RYR2: variants seen among roughly 807,000 people sequenced by gnomAD.
RYR2 encodes cardiac muscle ryanodine receptor-calcium release channel.
RYR2 carries 227 observed loss-of-function variants against 601.1 expected under a neutral mutation model. The ratio of observed to expected loss-of-function variants is 0.38; its 90% CI spans 0.34 to 0.42. The LOEUF is 0.42. Ranked by LOEUF, RYR2 falls within the 10% of genes least tolerant of loss-of-function variation. RYR2 has a pLI of 1.00. For missense variants in RYR2, 4,646 were observed against 6,156.5 expected (o/e 0.75, Z 8.21); for synonymous variants, 2,223 against 2,175.1 (o/e 1.02, Z -0.61).
intron 2 of RYR2, among the ~76,000 whole-genome samples, chr1:237,285,289 G>A (rs1342324140): frequency 6.6e-6 from 1 of 152,178 alleles, no homozygotes; most frequent in Non-Finnish European, 1.5e-5. Context: ...AGATGATCAT[G>A]TGATTTTTGT....
chr1:237,122,681 A>AAAAC (rs147076319), intron 1 of RYR2, among the ~76,000 whole-genome samples: 4,532 of 150,682 alleles, frequency 0.03, 102 homozygotes, highest in East Asian at 0.064. Flanking sequence ...GACCGTCTCA[A>AAAAC]AAACAAACAA....
intron 35 of RYR2, among the ~76,000 whole-genome samples, chr1:237,609,127 C>G (rs1677506857): frequency 7.4e-6 from 1 of 134,656 alleles, no homozygotes; most frequent in African/African-American, 2.6e-5. Flanking sequence ...GATCTCAGCT[C>G]ACTACAACCT....
chr1:237,741,112 C>T (rs1691567962), intron 79 of RYR2, among the ~76,000 whole-genome samples: 1 of 152,264 alleles, frequency 6.6e-6, no homozygotes, highest in East Asian at 1.9e-4. Context: ...TGTCCTAGGC[C>T]TGCGTCCCCA....
intron 1 of RYR2, among the ~76,000 whole-genome samples, chr1:237,229,007 A>G (rs1306263089): frequency 1.3e-5 from 2 of 152,174 alleles, no homozygotes; most frequent in Non-Finnish European, 2.9e-5. Context: ...ATTTCACTCC[A>G]GGAGGTAGGG....
intron 47 of RYR2, among the ~76,000 whole-genome samples, chr1:237,641,671 A>T (rs367680585): frequency 1.3e-3 from 200 of 151,866 alleles, no homozygotes; most frequent in African/African-American, 4.6e-3. Flanking sequence ...CCTCCTGAGT[A>T]GCTGGGACTA....
intron 24 of RYR2, among the ~76,000 whole-genome samples, chr1:237,529,760 T>C (rs78372262): frequency 7.1e-4 from 95 of 134,584 alleles, no homozygotes; most frequent in Middle Eastern, 3.9e-3. Flanking sequence ...AATAATATCA[T>C]ACACACACAC....
intron 1 of RYR2, among the ~76,000 whole-genome samples, chr1:237,214,603 G>A (rs1016165176): frequency 6.6e-6 from 1 of 152,144 alleles, no homozygotes; most frequent in Admixed American, 6.5e-5. Flanking sequence ...TTCCTACCGG[G>A]TTCCACCTCT....
rs1357455228 is a variant in RYR2 at position 237,791,877 on chromosome 1, G to GGAATCCTCAGAATTTTTGGTTGAATA, written c.13564-227_13564-202dup. 1.2e-5 allele frequency: 7 copies of GGAATCCTCAGAATTTTTGGTTGAATA among 584,540 alleles called. No individual in the cohort carries two copies. In the East Asian group the frequency reaches 2.0e-4, roughly 16 times the overall value. 36.2% of individuals were successfully genotyped at this position (584,540 alleles called of 1,614,324 possible). A position where few individuals can be genotyped will look rare whatever the true frequency, so the allele number is the denominator to read the frequency against. ...GCCATCTAATTTTTTAGCATGCATT[G>GGAATCCTCAGAATTTTTGGTTGAATA]GAATCCTCAGAATTTTTGGTTGAAT... On this transcript the variant is annotated intron_variant, in intron 93 of 104. Coordinates refer to ENST00000366574, the MANE Select transcript of RYR2 (RefSeq NM_001035.3).
At chr1:237,546,369 C>T (rs978189328) in intron 25 of RYR2, among the ~76,000 whole-genome samples, 1 of 152,038 alleles carries the variant, frequency 6.6e-6, no homozygotes, top group Non-Finnish European at 1.5e-5. Context: ...AGATAAATTA[C>T]TTTTTTGTTG....
At chr1:237,266,842 C>T (rs1323092613) in intron 1 of RYR2, among the ~76,000 whole-genome samples, 1 of 152,026 alleles carries the variant, frequency 6.6e-6, no homozygotes, top group Non-Finnish European at 1.5e-5. Flanking sequence ...TAGCCTCTCT[C>T]CTTGGTAGTA....
intron 68 of RYR2, among the ~76,000 whole-genome samples, 191 bp downstream of exon 68, chr1:237,707,460 C>T (rs1344370763): frequency 6.6e-6 from 1 of 152,052 alleles, no homozygotes; most frequent in Non-Finnish European, 1.5e-5. Flanking sequence ...ATAGTTACTA[C>T]TTTTAAGTAA....
chr1:237,562,780 C>T (rs993814507), intron 27 of RYR2, among the ~76,000 whole-genome samples: 14 of 152,078 alleles, frequency 9.2e-5, no homozygotes, highest in African/African-American at 3.4e-4. Context: ...TGTTTAAAAT[C>T]GAGCAAAGCA....
intron 10 of RYR2, among the ~76,000 whole-genome samples, chr1:237,396,638 C>CTA (rs1702884209): frequency 2.0e-5 from 3 of 152,200 alleles, no homozygotes; most frequent in Admixed American, 6.5e-5. Context: ...CTTCCTGACT[C>CTA]TCAGTCCCCA....
In RYR2 at chr1:237,784,763, AGGAAACCCCT is replaced by A; in HGVS notation, c.13056_13065del (p.Leu4354ProfsTer7). The A allele has an allele frequency of 6.2e-7, 1 of 1,603,422 alleles. No individual in the cohort carries two copies. The highest frequency in any genetic ancestry group is 8.5e-7 in the Non-Finnish European group (1 of 1,173,854). On this transcript the variant is annotated frameshift_variant, in exon 90 of 105. Coordinates refer to ENST00000366574, the MANE Select transcript of RYR2 (RefSeq NM_001035.3). LOFTEE classifies it high-confidence loss of function. This position sits in a 1 kb window ranked among gnomAD's most constrained non-coding sequence, Gnocchi z 7.1. The stretch of plus-strand genomic sequence containing the variant: ...TAGAGGAGATGGGGAGGAGGGAGAG[AGGAAACCCCT>A]GGAAGCCGCCCTGCCCTCCGAGGAT...
In RYR2 at chr1:237,667,904, G is replaced by T; in HGVS notation, c.8536G>T (p.Glu2846Ter). 1 of 1,585,032 alleles carries T rather than the reference G, an allele frequency of 6.3e-7. No homozygotes were observed. ...TAAGGCTATGGCAGAAATGATGGCT[G>T]AAAACTACCATAATATATGGGCAAA... ...DLHAMAEMMAENYHNIWAKKK... is the reference protein window; with the variant it reads ...DLHAMAEMMA Residue 2846 changes from glutamate (E) to a stop codon, truncating the protein, a stop_gained, in exon 58 of 105, where the codon GAA (glutamate) becomes TAA (stop). Coordinates refer to ENST00000366574, the MANE Select transcript of RYR2 (RefSeq NM_001035.3). LOFTEE classifies it high-confidence loss of function.
At position 237,408,828 on chromosome 1, in the gene RYR2, T is replaced by G. The variant is rs191791207; in HGVS notation, c.774-8221T>G. On this transcript the variant is annotated intron_variant, in intron 10 of 104. Transcript: ENST00000366574. The stretch of plus-strand genomic sequence containing the variant: ...CCATGAACATGGAATAGCTCTCAAT[T>G]TATTTAGATTTTGTTTGACTTTTTA... Among the ~76,000 whole-genome samples the G allele has an allele frequency of 2.7e-3, 407 of 152,318 alleles. 1 individual carries two copies. The highest frequency in any genetic ancestry group is 4.1e-3 in the Non-Finnish European group (278 of 68,012).
At position 237,627,843 on chromosome 1, in the gene RYR2, G is replaced by A. The variant is rs869025512; in HGVS notation, c.6203G>A (p.Arg2068Gln). ...LQQLISETMV[R>Q]WAQESVIEDP... ...CAGCTGATTTCTGAGACCATGGTCCGATGGGCTCAGGAGTCTGTCATTGAA... is the reference window on the plus strand; with the variant it reads ...CAGCTGATTTCTGAGACCATGGTCCAATGGGCTCAGGAGTCTGTCATTGAA... The change falls in exon 41 of 105, where the codon CGA (arginine) becomes CAA (glutamine). Residue 2068 changes from arginine to glutamine, a missense_variant. Physicochemically the swap from Arg to Gln is conservative, Grantham distance 43. Coordinates refer to ENST00000366574, the MANE Select transcript of RYR2 (RefSeq NM_001035.3). 8.1e-6 allele frequency: 13 copies of A among 1,611,216 alleles called. No homozygotes were observed. The highest frequency in any genetic ancestry group is 1.0e-5 in the Non-Finnish European group (12 of 1,178,110).
intron 2 of RYR2, among the ~76,000 whole-genome samples, chr1:237,275,798 A>G (rs1420733108): frequency 6.6e-6 from 1 of 152,206 alleles, no homozygotes; most frequent in Non-Finnish European, 1.5e-5. Context: ...GGCCACAAAG[A>G]AAACTTCAGT....
chr1:237,082,079 G>C (rs368406318), intron 1 of RYR2, among the ~76,000 whole-genome samples: 5 of 152,266 alleles, frequency 3.3e-5, no homozygotes, highest in East Asian at 1.9e-4. Context: ...GAGAATCTCA[G>C]TTTGCTATGA....
Sources: allele counts gnomAD v4.1 joint callset (sites outside exome capture counted in the v4.1 genomes callset), GRCh38; gene constraint gnomAD v4.1.1; non-coding constraint Gnocchi (gnomAD v3.1); transcripts MANE v1.5; gene names NCBI Gene and HGNC (gene_info 2026-07-23, HGNC 2026-07-21).